GABRB2: variants seen among roughly 807,000 people sequenced by gnomAD.
The protein encoded by GABRB2 is gamma-aminobutyric acid receptor subunit beta-2.
Under a neutral mutation model 54.7 loss-of-function variants are expected in GABRB2, and 16 were observed. The ratio of observed to expected loss-of-function variants is 0.29; its 90% CI spans 0.20 to 0.44. The LOEUF is 0.44. Among genes scored for constraint, GABRB2 ranks in the 20% least tolerant of loss-of-function variants. The probability of loss-of-function intolerance (pLI) is 1.00; values close to 1 mark genes in which losing one functional copy is unlikely to be tolerated. For synonymous variants in GABRB2, 244 were observed against 233.8 expected (o/e 1.04, Z -0.40); for missense variants, 355 against 644.0 (o/e 0.55, Z 4.86).
intron 9 of GABRB2, among the ~76,000 whole-genome samples, chr5:161,322,552 T>C (rs1432265112): frequency 6.6e-6 from 1 of 152,200 alleles, no homozygotes; most frequent in Admixed American, 6.5e-5. Context: ...TGTTTATTAT[T>C]ATCAGCATTT....
At chr5:161,504,019 T>C (rs935555099) in intron 3 of GABRB2, among the ~76,000 whole-genome samples, 7 of 152,148 alleles carry the variant, frequency 4.6e-5, no homozygotes, top group African/African-American at 1.7e-4. Context: ...ATGAAATGTA[T>C]ATGCAACTAA....
chr5:161,311,705 C>A (rs188401956), intron 9 of GABRB2, among the ~76,000 whole-genome samples: 5 of 152,170 alleles, frequency 3.3e-5, no homozygotes, highest in African/African-American at 1.2e-4. Flanking sequence ...TTAATTTAGT[C>A]CACAGATCAG....
chr5:161,444,954 C>A (rs1350798019), intron 4 of GABRB2, among the ~76,000 whole-genome samples: 1 of 152,056 alleles, frequency 6.6e-6, no homozygotes, highest in Non-Finnish European at 1.5e-5. Flanking sequence ...TTAAGGTAAA[C>A]CCTGCAGAAA....
intron 5 of GABRB2, among the ~76,000 whole-genome samples, chr5:161,386,143 G>A (rs1561631889): frequency 6.6e-6 from 1 of 151,992 alleles, no homozygotes; most frequent in Non-Finnish European, 1.5e-5. Flanking sequence ...CCCATTTGAG[G>A]TTTGTATTTA....
At chr5:161,448,632 T>A (rs1410119713) in intron 4 of GABRB2, among the ~76,000 whole-genome samples, 1 of 152,032 alleles carries the variant, frequency 6.6e-6, no homozygotes, top group Non-Finnish European at 1.5e-5. Context: ...TAATCTGGAG[T>A]TTTTTTGAAA....
At chr5:161,482,105 C>T (rs1758780216) in intron 3 of GABRB2, among the ~76,000 whole-genome samples, 1 of 152,042 alleles carries the variant, frequency 6.6e-6, no homozygotes. Context: ...CTTTCCCATT[C>T]TCAGCTATAC....
intron 5 of GABRB2, among the ~76,000 whole-genome samples, chr5:161,337,072 A>G (rs1424705664): frequency 6.6e-6 from 1 of 152,162 alleles, no homozygotes; most frequent in Non-Finnish European, 1.5e-5. Flanking sequence ...ACTTAATAAT[A>G]AAATAGGAAT....
At chr5:161,547,706 C>A (rs1761031987), upstream of GABRB2, among the ~76,000 whole-genome samples, 2 of 152,008 alleles carry the variant, frequency 1.3e-5, no homozygotes, top group Admixed American at 6.5e-5. Flanking sequence ...GTGAGGGATG[C>A]GGGTGACGGG....
chr5:161,302,130 A>T (rs541500078), intron 9 of GABRB2, among the ~76,000 whole-genome samples: 2 of 152,276 alleles, frequency 1.3e-5, no homozygotes, highest in East Asian at 3.9e-4. Flanking sequence ...TTGGTTGAAA[A>T]ATGGACTTCA....
In GABRB2 at chr5:161,307,048, T is replaced by C. The variant is rs139936516; in HGVS notation, c.1192-12620A>G. ...CTAGCGCATGGTTGATGCTAAATGA[T>C]GTGCAGCTGTTTGAATAGAACCAAG... On this transcript the variant is annotated intron_variant, in intron 9 of 9. Coordinates refer to ENST00000393959, the MANE Select transcript of GABRB2 (RefSeq NM_001371727.1). Among the ~76,000 whole-genome samples, 189 of 152,330 alleles carry C rather than the reference T, an allele frequency of 1.2e-3. 1 individual carries two copies. Among genetic ancestry groups the C allele is most frequent in the African/African-American group, 4.2e-3 (175 of 41,572 alleles).
chr5:161,355,999 G>A (rs1754615790), intron 5 of GABRB2, among the ~76,000 whole-genome samples: 1 of 152,006 alleles, frequency 6.6e-6, no homozygotes, highest in South Asian at 2.1e-4. Flanking sequence ...TCAACCTCAA[G>A]TTTCTCCAAC....
At chr5:161,460,110 CTT>C (rs1561658148) in intron 3 of GABRB2, among the ~76,000 whole-genome samples, 2 of 152,032 alleles carry the variant, frequency 1.3e-5, no homozygotes, top group African/African-American at 4.8e-5. Context: ...GCACCCAGCT[CTT>C]TGTTTGTATT....
chr5:161,418,809 T>C (rs1756759289), intron 4 of GABRB2, among the ~76,000 whole-genome samples: 1 of 152,006 alleles, frequency 6.6e-6, no homozygotes, highest in South Asian at 2.1e-4. Flanking sequence ...AATAACATCA[T>C]TAAAAAGTGG....
intron 9 of GABRB2, among the ~76,000 whole-genome samples, chr5:161,300,724 C>T (rs1039796747): frequency 7.2e-5 from 11 of 152,156 alleles, no homozygotes; most frequent in Non-Finnish European, 4.4e-5. Context: ...TGGAATGAAT[C>T]TCAGTAATCT....
chr5:161,518,881 C>T (rs898003154), intron 3 of GABRB2, among the ~76,000 whole-genome samples: 2 of 152,084 alleles, frequency 1.3e-5, no homozygotes, highest in African/African-American at 4.8e-5. Context: ...TTGAGTTATG[C>T]TTAGATATTA....
At chr5:161,512,976 G>A (rs1759824775) in intron 3 of GABRB2, among the ~76,000 whole-genome samples, 1 of 151,142 alleles carries the variant, frequency 6.6e-6, no homozygotes, top group African/African-American at 2.4e-5. Flanking sequence ...AATCATCAAA[G>A]GAATACAAAT....
intron 5 of GABRB2, among the ~76,000 whole-genome samples, chr5:161,380,740 G>C (rs1199893994): frequency 6.6e-6 from 1 of 152,084 alleles, no homozygotes; most frequent in African/African-American, 2.4e-5. Flanking sequence ...ATGCTGCAAA[G>C]ACAAGGGTGA....
chr5:161,366,330 G>A (rs1754971872), intron 5 of GABRB2, among the ~76,000 whole-genome samples: 1 of 151,920 alleles, frequency 6.6e-6, no homozygotes, highest in Admixed American at 6.6e-5. Flanking sequence ...CATCATCTAA[G>A]GGTTTCTATG....
chr5:161,444,863 A>G (rs747642113), intron 4 of GABRB2, among the ~76,000 whole-genome samples: 28 of 152,184 alleles, frequency 1.8e-4, no homozygotes, highest in Non-Finnish European at 2.8e-4. Flanking sequence ...ACTCCTCTTA[A>G]TTTACCTCAG....
Sources: allele counts gnomAD v4.1 joint callset (sites outside exome capture counted in the v4.1 genomes callset), GRCh38; gene constraint gnomAD v4.1.1; transcripts MANE v1.5; gene names NCBI Gene and HGNC (gene_info 2026-07-23, HGNC 2026-07-21).